The following GRID2 variants were observed in gnomAD, a reference collection of about 807,000 sequenced individuals.
GRID2 encodes the protein glutamate receptor ionotropic, delta-2.
In GRID2, 33 loss-of-function variants were observed where a neutral mutation model predicts 114.8. The ratio of observed to expected loss-of-function variants is 0.29; its 90% CI spans 0.22 to 0.38. GRID2 has a LOEUF of 0.38. GRID2 is among the 10% of genes least tolerant of loss of function. The pLI is 1.00. For synonymous variants in GRID2, 505 were observed against 449.9 expected (o/e 1.12, Z -1.55); for missense variants, 1,184 against 1,257.7 (o/e 0.94, Z 0.89).
At chr4:93,014,343 G>A (rs1006500304) in intron 2 of GRID2, among the ~76,000 whole-genome samples, 2 of 152,028 alleles carry the variant, frequency 1.3e-5, no homozygotes, top group Non-Finnish European at 2.9e-5. Context: ...CCACAGCACA[G>A]AGATAAGTGG....
chr4:93,614,290 G>C (rs150148295), intron 13 of GRID2, among the ~76,000 whole-genome samples: 5,032 of 152,232 alleles, frequency 0.033, 277 homozygotes, highest in African/African-American at 0.11. Flanking sequence ...CTCACGCTGG[G>C]AGCTGTAGAC....
rs78071397 is a variant in GRID2 at position 93,331,134 on chromosome 4, C to G, written c.1246-64473C>G. Among the ~76,000 whole-genome samples the G allele has an allele frequency of 1.4e-3, 204 of 147,158 alleles. 5 individuals are homozygous for G. The highest frequency in any genetic ancestry group is 4.6e-3 in the African/African-American group (182 of 39,766). ...GTGCCTGCTGCTATCTAACCCCCCC[C>G]CCATTTCACTCATTATCTCTCCAGT... On this transcript the variant is annotated intron_variant, in intron 8 of 15. Coordinates refer to ENST00000282020, the MANE Select transcript of GRID2 (RefSeq NM_001510.4).
chr4:93,666,312 T>C (rs1270239867), intron 14 of GRID2, among the ~76,000 whole-genome samples: 1 of 152,070 alleles, frequency 6.6e-6, no homozygotes, highest in Non-Finnish European at 1.5e-5. Flanking sequence ...GAATGCAGCA[T>C]ATGCATAATC....
intron 2 of GRID2, among the ~76,000 whole-genome samples, chr4:93,028,197 A>C (rs1724057797): frequency 6.6e-6 from 1 of 152,210 alleles, no homozygotes; most frequent in South Asian, 2.1e-4. Flanking sequence ...GCAATGAGGA[A>C]GACAGGATAC....
chr4:92,538,761 G>T (rs1202990230), intron 1 of GRID2, among the ~76,000 whole-genome samples: 1 of 152,140 alleles, frequency 6.6e-6, no homozygotes, highest in East Asian at 1.9e-4. Context: ...ATACATTAAT[G>T]AATGTAAGGT....
At chr4:93,393,914 C>T (rs912962468) in intron 8 of GRID2, among the ~76,000 whole-genome samples, 3 of 151,864 alleles carry the variant, frequency 2.0e-5, no homozygotes, top group Non-Finnish European at 4.4e-5. Flanking sequence ...ATACTTACCA[C>T]GAACAAGATT....
At chr4:93,204,958 C>A in intron 4 of GRID2, among the ~76,000 whole-genome samples, 1 of 152,094 alleles carries the variant, frequency 6.6e-6, no homozygotes, top group East Asian at 1.9e-4. Context: ...GTATTCACTT[C>A]TTTTTCTCTG....
chr4:92,955,861 T>A (rs1752369699), intron 2 of GRID2, among the ~76,000 whole-genome samples: 2 of 152,132 alleles, frequency 1.3e-5, no homozygotes, highest in Non-Finnish European at 2.9e-5. Flanking sequence ...CAGCACCATT[T>A]ATTAAATAGG....
At chr4:93,701,503 C>T (rs1727504140) in intron 14 of GRID2, among the ~76,000 whole-genome samples, 1 of 151,966 alleles carries the variant, frequency 6.6e-6, no homozygotes, top group Non-Finnish European at 1.5e-5. Flanking sequence ...GGAGCAAATG[C>T]TTAGAAAACA....
At chr4:92,337,627 A>G (rs1430921245) in intron 1 of GRID2, among the ~76,000 whole-genome samples, 4 of 152,142 alleles carry the variant, frequency 2.6e-5, no homozygotes, top group African/African-American at 7.2e-5. Context: ...GGAGCTACCA[A>G]ACACTTATGA....
intron 1 of GRID2, among the ~76,000 whole-genome samples, chr4:92,442,510 G>T (rs970833244): frequency 6.6e-6 from 1 of 152,104 alleles, no homozygotes; most frequent in African/African-American, 2.4e-5. Context: ...TGGAGATGTG[G>T]CTGGGGTTTG....
intron 2 of GRID2, among the ~76,000 whole-genome samples, chr4:93,054,029 C>T (rs1005415510): frequency 3.9e-5 from 6 of 151,952 alleles, no homozygotes; most frequent in Non-Finnish European, 8.8e-5. Context: ...TACTGTCCAA[C>T]AGACCCCCAA....
intron 2 of GRID2, among the ~76,000 whole-genome samples, chr4:92,742,323 C>T (rs1339763954): frequency 6.6e-6 from 1 of 152,136 alleles, no homozygotes; most frequent in African/African-American, 2.4e-5. Flanking sequence ...ACATAATGCT[C>T]ATTTCTCTGG....
At chr4:93,133,790 G>A in intron 4 of GRID2, among the ~76,000 whole-genome samples, 1 of 151,980 alleles carries the variant, frequency 6.6e-6, no homozygotes, top group African/African-American at 2.4e-5. Flanking sequence ...TATAAATGGA[G>A]AAAAAAGAAT....
chr4:93,317,989 ATATATAT>A (rs1756848377), intron 8 of GRID2, among the ~76,000 whole-genome samples: 1 of 27,746 alleles, frequency 3.6e-5, no homozygotes. Flanking sequence ...AAAGTGAAAT[ATATATAT>A]ATATATATAT....
At chr4:93,372,717 A>T (rs941752482) in intron 8 of GRID2, among the ~76,000 whole-genome samples, 5 of 152,144 alleles carry the variant, frequency 3.3e-5, no homozygotes, top group Non-Finnish European at 7.4e-5. Flanking sequence ...TCCATCATGG[A>T]TATGTGCTTT....
At chr4:92,461,702 G>T (rs1049467784) in intron 1 of GRID2, among the ~76,000 whole-genome samples, 2 of 151,818 alleles carry the variant, frequency 1.3e-5, no homozygotes, top group Non-Finnish European at 1.5e-5. Context: ...GGGTTTTGTT[G>T]TTGTTGTTGT....
chr4:93,595,860 C>T (rs965500788), intron 13 of GRID2, among the ~76,000 whole-genome samples: 3 of 152,156 alleles, frequency 2.0e-5, no homozygotes, highest in African/African-American at 4.8e-5. Flanking sequence ...ACATTAATAA[C>T]AATTTCTACC....
intron 8 of GRID2, among the ~76,000 whole-genome samples, chr4:93,378,921 C>T (rs1763611914): frequency 6.6e-6 from 1 of 152,074 alleles, no homozygotes; most frequent in Non-Finnish European, 1.5e-5. Context: ...AAAACTTCCT[C>T]TATTATCCCT....
Sources: gnomAD v4.1 joint callset for allele counts (sites outside exome capture counted in the v4.1 genomes callset) on GRCh38, gnomAD v4.1.1 for gene constraint, MANE v1.5 for transcripts, NCBI Gene and HGNC (gene_info 2026-07-23, HGNC 2026-07-21) for gene names.